WDR17: variants seen among roughly 807,000 people sequenced by gnomAD.
WDR17 encodes the protein WD repeat-containing protein 17.
Under a neutral mutation model 161.7 loss-of-function variants are expected in WDR17, and 143 were observed. The ratio of observed to expected loss-of-function variants is 0.88; its 90% confidence interval spans 0.77 to 1.02. WDR17 has a LOEUF of 1.02. WDR17 is among the 50% of genes least tolerant of loss of function. The probability of loss-of-function intolerance (pLI) is 0.00; values close to 1 mark genes in which losing one functional copy is unlikely to be tolerated. For synonymous variants in WDR17, 517 were observed against 515.6 expected, an observed-to-expected ratio of 1.00 and a Z score of -0.04; for missense variants, 1,469 against 1,520.9, an observed-to-expected ratio of 0.97 and a Z score of 0.57.
rs1455157162 is a variant in WDR17 at position 176,180,996 on chromosome 4, GA to G, written c.*1419del. 2 of 151,998 alleles carry G rather than the reference GA, an allele frequency of 1.3e-5. No homozygotes were observed. Among genetic ancestry groups the G allele is most frequent in the Admixed American group, 6.5e-5 (1 of 15,274 alleles). 9.4% of individuals were successfully genotyped at this position (151,998 alleles called of 1,614,324 possible). On this transcript the variant is annotated 3_prime_UTR_variant, in exon 29 of 29. Transcript: ENST00000508596. ...ATATAGATGGTTTTGTTTGACTAAAGAATAATCTCATATAACTAGAATACTT... is the reference window on the plus strand; with the variant it reads ...ATATAGATGGTTTTGTTTGACTAAAGATAATCTCATATAACTAGAATACTT...
chr4:176,155,767 T>C (rs1394968910), intron 17 of WDR17, among the ~76,000 whole-genome samples: 2 of 147,000 alleles, frequency 1.4e-5, no homozygotes, highest in African/African-American at 5.1e-5. Flanking sequence ...CTTGCTGTGT[T>C]GCCCAGGCTA....
chr4:176,148,592 G>A (rs775191145), intron 13 of WDR17, among the ~76,000 whole-genome samples: 1 of 152,154 alleles, frequency 6.6e-6, no homozygotes, highest in South Asian at 2.1e-4. Flanking sequence ...GTGTGTCTGT[G>A]TTTCTGTGTA....
chr4:176,120,868 G>A (rs1008442466), intron 4 of WDR17, among the ~76,000 whole-genome samples: 19 of 151,526 alleles, frequency 1.3e-4, no homozygotes, highest in Non-Finnish European at 7.4e-5. Context: ...ATAGAAAAAA[G>A]AAATTGAAAT....
In WDR17 at chr4:176,182,370, G is replaced by A. The variant is rs919297391; in HGVS notation, c.*2791G>A. The A allele has an allele frequency of 6.2e-5, 9 of 146,298 alleles. No homozygotes were observed. The highest frequency in any genetic ancestry group is 4.4e-4 in the South Asian group (2 of 4,580). 9.1% of individuals were successfully genotyped at this position (146,298 alleles called of 1,614,324 possible). ...TATATGTATGTGTATATATATACAT[G>A]TATGTATGAAATATATATATGTGCG... On this transcript the variant is annotated 3_prime_UTR_variant, in exon 29 of 29. Coordinates refer to ENST00000508596, the MANE Select transcript of WDR17 (RefSeq NM_181265.4). The surrounding 1 kb of genome is among the most constrained non-coding windows in gnomAD (Gnocchi z 4.2).
intron 1 of WDR17, among the ~76,000 whole-genome samples, chr4:176,083,845 G>A (rs1735072044): frequency 6.6e-6 from 1 of 152,070 alleles, no homozygotes. Flanking sequence ...CTGTGGTATT[G>A]TGCAGTTTAG....
intron 1 of WDR17, among the ~76,000 whole-genome samples, chr4:176,088,044 A>G (rs1321958534): frequency 1.3e-5 from 2 of 152,062 alleles, no homozygotes; most frequent in Admixed American, 1.3e-4. Flanking sequence ...GGTTTTCACC[A>G]TGTTGGCCAA....
At chr4:176,154,556 T>A (rs1197901367) in intron 17 of WDR17, among the ~76,000 whole-genome samples, 1 of 152,176 alleles carries the variant, frequency 6.6e-6, no homozygotes, top group Non-Finnish European at 1.5e-5. Flanking sequence ...TGTTGTTTAT[T>A]TTTTTAAGCT....
At chr4:176,177,034 T>C in intron 26 of WDR17, 24 bp from the exon 27 acceptor site, 2 of 1,567,820 alleles carry the variant, frequency 1.3e-6, no homozygotes, top group Non-Finnish European at 1.8e-6. Context: ...GTATCAGATG[T>C]TAATTTCCTT....
chr4:176,167,780 A>T (rs948249872), intron 22 of WDR17, among the ~76,000 whole-genome samples: 1 of 151,942 alleles, frequency 6.6e-6, no homozygotes, highest in African/African-American at 2.4e-5. Flanking sequence ...ATATTTTAAT[A>T]TAAATCTTCT....
intron 1 of WDR17, among the ~76,000 whole-genome samples, chr4:176,073,609 G>A (rs1041018183): frequency 1.1e-4 from 16 of 150,636 alleles, no homozygotes; most frequent in African/African-American, 3.2e-4. Context: ...TAATCCTTTG[G>A]GTATATACCC....
intron 5 of WDR17, among the ~76,000 whole-genome samples, chr4:176,128,394 G>C (rs1742790795): frequency 6.8e-6 from 1 of 146,168 alleles, no homozygotes; most frequent in African/African-American, 2.5e-5. Context: ...TAGAAATGGA[G>C]AGTTTTCTGT....
Position 176,104,453 on chromosome 4 carries a change from A to C in WDR17, c.-6-7122A>C, listed in dbSNP as rs1019022497. 2.0e-5 allele frequency among the ~76,000 whole-genome samples: 3 copies of C among 152,182 alleles called. No homozygotes were observed. The East Asian group carries it at 5.8e-4, about 29-fold the overall frequency. ...TTTTAAAAATTCTTAGTATACAAGT[A>C]GTATTATTGTAACTTTGGTTGGTGA... On this transcript the variant is annotated intron_variant, in intron 1 of 28. Transcript: ENST00000508596.
At chr4:176,069,812 TA>T in intron 1 of WDR17, among the ~76,000 whole-genome samples, 1 of 152,220 alleles carries the variant, frequency 6.6e-6, no homozygotes, top group Non-Finnish European at 1.5e-5. Context: ...AACATGCTAT[TA>T]AAAAAACCCT....
intron 1 of WDR17, among the ~76,000 whole-genome samples, chr4:176,101,329 A>C (rs1199658661): frequency 6.6e-6 from 1 of 152,140 alleles, no homozygotes; most frequent in Non-Finnish European, 1.5e-5. Context: ...CTCTACCCCC[A>C]TATCTTACCA....
chr4:176,166,644 T>C (rs1749815603), intron 22 of WDR17, among the ~76,000 whole-genome samples: 1 of 152,148 alleles, frequency 6.6e-6, no homozygotes, highest in South Asian at 2.1e-4. Context: ...TTCAATGAAG[T>C]TTGAATAGAA....
chr4:176,088,049 G>A (rs1169954850), intron 1 of WDR17, among the ~76,000 whole-genome samples: 1 of 151,906 alleles, frequency 6.6e-6, no homozygotes, highest in Non-Finnish European at 1.5e-5. Context: ...TCACCATGTT[G>A]GCCAATCTGG....
At chr4:176,085,043 A>G (rs1217031349) in intron 1 of WDR17, among the ~76,000 whole-genome samples, 3 of 151,798 alleles carry the variant, frequency 2.0e-5, no homozygotes, top group Non-Finnish European at 4.4e-5. Context: ...GTTCATATAA[A>G]ACCTCAGTCT....
intron 2 of WDR17, among the ~76,000 whole-genome samples, chr4:176,115,579 TG>T (rs1740485324): frequency 6.6e-6 from 1 of 151,990 alleles, no homozygotes; most frequent in Non-Finnish European, 1.5e-5. Flanking sequence ...AAAATGGATA[TG>T]TTTTTATTCT....
intron 26 of WDR17, among the ~76,000 whole-genome samples, chr4:176,176,703 A>T (rs1025023739): frequency 9.9e-5 from 15 of 152,166 alleles, no homozygotes; most frequent in African/African-American, 3.6e-4. Flanking sequence ...GTCATTCAAG[A>T]TTAAATGATC....
Sources: gnomAD v4.1 joint callset for allele counts (sites outside exome capture counted in the v4.1 genomes callset) on GRCh38, gnomAD v4.1.1 for gene constraint, Gnocchi (gnomAD v3.1) non-coding constraint, MANE v1.5 for transcripts, NCBI Gene and HGNC (gene_info 2026-07-23, HGNC 2026-07-21) for gene names.